WWOX: variants seen among roughly 807,000 people sequenced by gnomAD.
WWOX encodes WW domain containing oxidoreductase.
Under a neutral mutation model 46.2 loss-of-function variants are expected in WWOX, and 69 were observed. The ratio of observed to expected loss-of-function variants is 1.49; its 90% CI spans 1.23 to 1.82. The LOEUF is 1.82. Among genes scored for constraint, WWOX ranks in the 40% most tolerant of loss-of-function variants. The probability of loss-of-function intolerance (pLI) is 0.00; values close to 1 mark genes in which losing one functional copy is unlikely to be tolerated. For synonymous variants in WWOX, 359 were observed against 202.6 expected (o/e 1.77, Z -6.56); for missense variants, 919 against 542.6 (o/e 1.69, Z -6.89).
intron 8 of WWOX, among the ~76,000 whole-genome samples, chr16:78,695,752 C>T (rs1016468537): frequency 3.3e-5 from 5 of 152,340 alleles, no homozygotes; most frequent in African/African-American, 1.2e-4. Context: ...CACAGGGAAC[C>T]TGTGACAAAA....
intron 8 of WWOX, among the ~76,000 whole-genome samples, chr16:78,589,489 A>C (rs1004107738): frequency 2.0e-5 from 3 of 152,076 alleles, no homozygotes; most frequent in African/African-American, 7.2e-5. Context: ...TCTTTTCCTC[A>C]TCATCTCAGC....
intron 8 of WWOX, among the ~76,000 whole-genome samples, chr16:78,843,451 T>G (rs77125643): frequency 0.048 from 7,222 of 149,968 alleles, 695 homozygotes; most frequent in Non-Finnish European, 0.071. Flanking sequence ...GCTCAGGGGA[T>G]GAGATTACTG....
At chr16:79,164,636 A>G (rs1224404788) in intron 8 of WWOX, among the ~76,000 whole-genome samples, 1 of 152,210 alleles carries the variant, frequency 6.6e-6, no homozygotes, top group Non-Finnish European at 1.5e-5. Flanking sequence ...CTAACCTTGA[A>G]AGGGAAAGTT....
chr16:78,152,394 C>G (rs962001661), intron 4 of WWOX, among the ~76,000 whole-genome samples: 1 of 152,092 alleles, frequency 6.6e-6, no homozygotes, highest in African/African-American at 2.4e-5. Flanking sequence ...ATTTGCAAGT[C>G]TATTTGTAGG....
intron 7 of WWOX, among the ~76,000 whole-genome samples, chr16:78,430,466 C>T (rs2083189544): frequency 6.6e-6 from 1 of 152,106 alleles, no homozygotes; most frequent in Non-Finnish European, 1.5e-5. Flanking sequence ...GATAATTATC[C>T]ACAGGCTTTT....
At chr16:78,624,914 A>G (rs980909054) in intron 8 of WWOX, among the ~76,000 whole-genome samples, 4 of 152,172 alleles carry the variant, frequency 2.6e-5, no homozygotes, top group Non-Finnish European at 5.9e-5. Flanking sequence ...GAGTCTGTAC[A>G]CACAAAACCC....
chr16:78,966,998 A>G (rs539922227), intron 8 of WWOX, among the ~76,000 whole-genome samples: 7 of 152,294 alleles, frequency 4.6e-5, no homozygotes, highest in African/African-American at 1.7e-4. Context: ...TATTGTCTCC[A>G]CTGGAAGAAG....
intron 5 of WWOX, among the ~76,000 whole-genome samples, chr16:78,214,433 C>T (rs900374251): frequency 4.6e-5 from 7 of 152,120 alleles, no homozygotes; most frequent in Non-Finnish European, 7.4e-5. Flanking sequence ...TGTGCACAAT[C>T]GAAGTCTGCT....
intron 8 of WWOX, among the ~76,000 whole-genome samples, chr16:78,757,492 A>G (rs1225684579): frequency 6.6e-6 from 1 of 152,152 alleles, no homozygotes; most frequent in Non-Finnish European, 1.5e-5. Context: ...CCCTGGCTGC[A>G]TGAGCTTGTT....
chr16:78,890,267 C>T (rs2044560179), intron 8 of WWOX: 1 of 152,062 alleles, frequency 6.6e-6, no homozygotes, highest in African/African-American at 2.4e-5. Context: ...AAAGAAACAT[C>T]AATAAATAAA....
intron 8 of WWOX, among the ~76,000 whole-genome samples, chr16:78,738,753 A>G (rs1472251263): frequency 2.0e-5 from 3 of 152,176 alleles, no homozygotes; most frequent in Non-Finnish European, 2.9e-5. Context: ...CAGAGGCTGC[A>G]GCTGGTTAGA....
intron 5 of WWOX, among the ~76,000 whole-genome samples, chr16:78,359,373 T>C (rs2081362700): frequency 6.6e-6 from 1 of 152,196 alleles, no homozygotes; most frequent in Non-Finnish European, 1.5e-5. Context: ...ATATACAAAT[T>C]AAGTTTTTTT....
chr16:78,389,189 T>A (rs2082125067), intron 6 of WWOX, among the ~76,000 whole-genome samples: 1 of 152,214 alleles, frequency 6.6e-6, no homozygotes, highest in Admixed American at 6.5e-5. Flanking sequence ...TGTTAGTAGC[T>A]TCCACCCTTT....
At chr16:78,645,283 C>G (rs897821715) in intron 8 of WWOX, among the ~76,000 whole-genome samples, 1 of 152,088 alleles carries the variant, frequency 6.6e-6, no homozygotes, top group East Asian at 1.9e-4. Flanking sequence ...CAGAGAGGCC[C>G]ATCCTGACCA....
At chr16:78,744,455 G>A (rs1305705905) in intron 8 of WWOX, among the ~76,000 whole-genome samples, 2 of 119,880 alleles carry the variant, frequency 1.7e-5, no homozygotes, top group Non-Finnish European at 3.3e-5. Flanking sequence ...TTTTTGAAAC[G>A]GAGTATCTGT....
At chr16:78,890,118 C>T (rs756956173) in intron 8 of WWOX, 3 of 152,132 alleles carry the variant, frequency 2.0e-5, no homozygotes, top group African/African-American at 4.8e-5. Flanking sequence ...CATACACATA[C>T]ACACATTTTT....
intron 8 of WWOX, among the ~76,000 whole-genome samples, chr16:79,196,680 A>G (rs1187102118): frequency 3.3e-5 from 5 of 150,032 alleles, no homozygotes; most frequent in Non-Finnish European, 5.9e-5. Context: ...CTACCTCCAG[A>G]CCCCCAGGGA....
intron 8 of WWOX, among the ~76,000 whole-genome samples, chr16:78,948,579 C>A (rs1178086588): frequency 6.6e-6 from 1 of 152,112 alleles, no homozygotes. Context: ...CTGCTGCCTC[C>A]TCATCCCTCT....
At chr16:78,545,147 AC>A (rs1160642606) in intron 8 of WWOX, among the ~76,000 whole-genome samples, 11 of 152,154 alleles carry the variant, frequency 7.2e-5, no homozygotes, top group Non-Finnish European at 1.5e-4. Flanking sequence ...GCACTTTAGG[AC>A]TGACTGATTA....
Sources: allele counts gnomAD v4.1 joint callset (sites outside exome capture counted in the v4.1 genomes callset), GRCh38; gene constraint gnomAD v4.1.1; transcripts MANE v1.5; gene names NCBI Gene and HGNC (gene_info 2026-07-23, HGNC 2026-07-21).